ABCC5: variants seen among roughly 807,000 people sequenced by gnomAD.
The protein encoded by ABCC5 is ATP binding cassette subfamily C member 5, also known as ATP-binding cassette sub-family C member 5.
ABCC5 carries 61 observed loss-of-function variants against 160.9 expected under a neutral mutation model. The ratio of observed to expected loss-of-function variants is 0.38; its 90% CI spans 0.31 to 0.47. The LOEUF (loss-of-function observed/expected upper bound fraction) is 0.47, where lower values mean the gene tolerates loss of function less well. Ranked by LOEUF, ABCC5 falls within the 20% of genes least tolerant of loss-of-function variation. The pLI is 0.99. For synonymous variants in ABCC5, 666 were observed against 700.6 expected (o/e 0.95, Z 0.78); for missense variants, 1,308 against 1,813.3 (o/e 0.72, Z 5.06).
chr3:184,002,976 G>A (rs935538498), intron 2 of ABCC5, among the ~76,000 whole-genome samples: 1 of 152,100 alleles, frequency 6.6e-6, no homozygotes, highest in South Asian at 2.1e-4. Flanking sequence ...GGGCACAATC[G>A]GAATCAACAG....
intron 24 of ABCC5, among the ~76,000 whole-genome samples, chr3:183,945,233 G>A (rs866421013): frequency 4.6e-5 from 7 of 152,320 alleles, no homozygotes; most frequent in Middle Eastern, 3.4e-3. Flanking sequence ...ATCCCTGTAG[G>A]AAATTGTTTA....
chr3:183,980,502 T>G (rs1395815023), intron 8 of ABCC5, among the ~76,000 whole-genome samples: 1 of 152,140 alleles, frequency 6.6e-6, no homozygotes, highest in Non-Finnish European at 1.5e-5. Context: ...CCATTCAGAA[T>G]CCATTTGTTC....
At chr3:183,998,672 C>CA (rs1465722873) in intron 2 of ABCC5, among the ~76,000 whole-genome samples, 9 of 100,978 alleles carry the variant, frequency 8.9e-5, no homozygotes, top group Admixed American at 1.9e-4. Context: ...ATGGGCCTGT[C>CA]AAAAAAAACA....
rs200040197 is a variant in ABCC5, at chr3:183,924,010, C to CTTTTTTTTTTTTTTTTTTTT, written c.4212+1525_4212+1544dup. On this transcript the variant is annotated intron_variant, in intron 29 of 29. Transcript: ENST00000334444. The stretch of plus-strand genomic sequence containing the variant: ...AAATCCCACCAATTTTTACTGTTTG[C>CTTTTTTTTTTTTTTTTTTTT]TTTTTTTTTTTTTTTTTTTTTTTGA... 5.3e-5 allele frequency among the ~76,000 whole-genome samples: 6 copies of CTTTTTTTTTTTTTTTTTTTT among 112,800 alleles called. 1 individual carries two copies. Among genetic ancestry groups the CTTTTTTTTTTTTTTTTTTTT allele is most frequent in the Non-Finnish European group, 8.6e-5 (5 of 58,440 alleles). The allele number at this position is 112,800 out of a possible 152,430, so 74.0% of individuals were successfully genotyped here.
chr3:183,922,035 T>TAATAAATA (rs146063907), intron 29 of ABCC5, among the ~76,000 whole-genome samples: 1,469 of 146,186 alleles, frequency 0.01, 24 homozygotes, highest in East Asian at 0.058. Flanking sequence ...TGCCTCAAAA[T>TAATAAATA]AATAAATAAA....
chr3:183,925,146 C>T (rs938995019), intron 29 of ABCC5, among the ~76,000 whole-genome samples: 4 of 152,158 alleles, frequency 2.6e-5, no homozygotes, highest in East Asian at 1.9e-4. Flanking sequence ...CCTCCGGGAG[C>T]GGTAATCATT....
At chr3:183,952,713 C>T (rs1715493137) in intron 18 of ABCC5, among the ~76,000 whole-genome samples, 1 of 152,202 alleles carries the variant, frequency 6.6e-6, no homozygotes, top group African/African-American at 2.4e-5. Context: ...CCTTTGCCTT[C>T]CACCATGATT....
chr3:183,961,792 T>G (rs1716763559), intron 15 of ABCC5, 138 bp from the exon 16 acceptor site: 2 of 1,099,916 alleles, frequency 1.8e-6, no homozygotes. Context: ...AGACATTTTT[T>G]TTTTTGAGGC....
chr3:183,950,319 C>T (rs1715228451), intron 20 of ABCC5, among the ~76,000 whole-genome samples, 194 bp from the exon 21 acceptor site: 1 of 151,964 alleles, frequency 6.6e-6, no homozygotes, highest in Admixed American at 6.5e-5. Flanking sequence ...AATCCTCTTA[C>T]TCCACTCCCT....
intron 23 of ABCC5, among the ~76,000 whole-genome samples, chr3:183,946,305 G>A (rs1466678775): frequency 6.6e-6 from 1 of 152,192 alleles, no homozygotes; most frequent in African/African-American, 2.4e-5. Context: ...TGAGCAACTA[G>A]TAAGAATGTT....
At chr3:184,010,028 CAGATGTGGTGG>C in intron 2 of ABCC5, 1 of 416,278 alleles carries the variant, frequency 2.4e-6, no homozygotes, top group Non-Finnish European at 4.8e-6. Flanking sequence ...AGTTCATGGC[CAGATGTGGTGG>C]CTGACGCCTG....
At chr3:183,967,557 G>C in intron 12 of ABCC5, 138 bp downstream of exon 12, 1 of 754,794 alleles carries the variant, frequency 1.3e-6, no homozygotes, top group Non-Finnish European at 2.3e-6. Flanking sequence ...GGAACTGCGG[G>C]GGATTGGGGG....
chr3:183,996,377 C>T (rs1320091540), intron 2 of ABCC5, among the ~76,000 whole-genome samples: 1 of 152,176 alleles, frequency 6.6e-6, no homozygotes, highest in South Asian at 2.1e-4. Flanking sequence ...TGCCTAGTGA[C>T]AGTTTTCACT....
intron 26 of ABCC5, among the ~76,000 whole-genome samples, chr3:183,931,934 G>T (rs1012901191): frequency 6.6e-6 from 1 of 152,146 alleles, no homozygotes; most frequent in African/African-American, 2.4e-5. Context: ...TGAACATGAG[G>T]GCAATTATTT....
intron 2 of ABCC5, chr3:184,010,081 C>A (rs185707159): frequency 3.2e-6 from 1 of 310,652 alleles, no homozygotes; most frequent in East Asian, 8.4e-5. Flanking sequence ...CCAAGGCAGG[C>A]GGATCACTTG....
At chr3:183,968,599 A>C (rs1376040160) in intron 11 of ABCC5, among the ~76,000 whole-genome samples, 1 of 152,246 alleles carries the variant, frequency 6.6e-6, no homozygotes, top group Admixed American at 6.5e-5. Flanking sequence ...CCCACAAAAA[A>C]GTAGAACACC....
rs1470185288 is a variant in ABCC5 at position 183,982,763 on chromosome 3, C to A, written c.825+11G>T. The stretch of plus-strand genomic sequence containing the variant: ...TTGCTCTCTGCTGTGAAGCAAACAC[C>A]CCTCACTCACCTCACCCAGGGATTT... On this transcript the variant is annotated intron_variant, in intron 6 of 29. Transcript: ENST00000334444. This position sits in a 1 kb window ranked among gnomAD's most constrained non-coding sequence, Gnocchi z 5.2. The A allele has an allele frequency of 1.9e-6, 3 of 1,613,352 alleles. No homozygotes were observed. The highest frequency in any genetic ancestry group is 2.5e-6 in the Non-Finnish European group (3 of 1,179,460).
chr3:183,974,608 C>T (rs1718057504), intron 10 of ABCC5, among the ~76,000 whole-genome samples: 1 of 152,150 alleles, frequency 6.6e-6, no homozygotes, highest in South Asian at 2.1e-4. Context: ...CATGCCGGGC[C>T]CCCGTTAAAT....
Position 183,953,003 on chromosome 3 carries a change from A to C in ABCC5, c.2667+83T>G, listed in dbSNP as rs562085770. 2.2e-6 allele frequency: 3 copies of C among 1,388,026 alleles called. No homozygotes were observed. The Admixed American group carries it at 6.6e-5, about 31-fold the overall frequency. 86.0% of individuals were successfully genotyped at this position (1,388,026 alleles called of 1,614,324 possible). On this transcript the variant is annotated intron_variant, in intron 18 of 29. Transcript: ENST00000334444. Reference sequence around the variant, plus strand: ...GCTTCTTTTAAGTGAAAACTAGAACAGTTTCCCTAAGAATAGCCAGGGAAT... The same window carrying C: ...GCTTCTTTTAAGTGAAAACTAGAACCGTTTCCCTAAGAATAGCCAGGGAAT...
Sources: allele counts gnomAD v4.1 joint callset (sites outside exome capture counted in the v4.1 genomes callset), GRCh38; gene constraint gnomAD v4.1.1; non-coding constraint Gnocchi (gnomAD v3.1); transcripts MANE v1.5; gene names NCBI Gene and HGNC (gene_info 2026-07-23, HGNC 2026-07-21).